The following EXOC6B variants were observed in gnomAD, a reference collection of about 807,000 sequenced individuals.
The protein encoded by EXOC6B is exocyst complex component 6B, also known as SEC15 homolog B.
A neutral mutation model predicts 113.5 loss-of-function variants in EXOC6B; 54 were observed. The observed-to-expected ratio is 0.48, with a 90% confidence interval of 0.38 to 0.60. The LOEUF is 0.60. Ranked by LOEUF, EXOC6B falls within the 20% of genes least tolerant of loss-of-function variation. The probability of loss-of-function intolerance (pLI) is 0.00; values close to 1 mark genes in which losing one functional copy is unlikely to be tolerated. For synonymous variants in EXOC6B, 357 were observed against 339.0 expected (o/e 1.05, Z -0.58); for missense variants, 797 against 977.5 (o/e 0.82, Z 2.46).
At chr2:72,287,861 T>C (rs1484437206) in intron 20 of EXOC6B, among the ~76,000 whole-genome samples, 2 of 152,192 alleles carry the variant, frequency 1.3e-5, no homozygotes, top group African/African-American at 4.8e-5. Context: ...TGAATCTTTA[T>C]AACACTGAAG....
At chr2:72,475,638 G>A (rs1698693374) in intron 17 of EXOC6B, among the ~76,000 whole-genome samples, 1 of 152,164 alleles carries the variant, frequency 6.6e-6, no homozygotes, top group Non-Finnish European at 1.5e-5. Flanking sequence ...GGCACCAGAT[G>A]CAGTAGTTAG....
intron 20 of EXOC6B, among the ~76,000 whole-genome samples, chr2:72,273,204 A>G (rs1684599994): frequency 6.6e-6 from 1 of 152,210 alleles, no homozygotes. Context: ...AAAGCAGGAC[A>G]TATATCAATG....
In EXOC6B at chr2:72,244,031, GA is replaced by G. The variant is rs1430219734; in HGVS notation, c.2197-59845del. 3.3e-5 allele frequency among the ~76,000 whole-genome samples: 5 copies of G among 152,252 alleles called. No individual in the cohort carries two copies. In the East Asian group the frequency reaches 9.7e-4, roughly 29 times the overall value. ...AAATCAGTAAGAAAACAGCTGAACT[GA>G]ATAGCACCATCAATCAAATAGACCA... On this transcript the variant is annotated intron_variant, in intron 20 of 21. Transcript: ENST00000272427.
intron 20 of EXOC6B, among the ~76,000 whole-genome samples, chr2:72,191,408 A>G (rs1165242646): frequency 1.3e-5 from 2 of 152,224 alleles, no homozygotes; most frequent in Non-Finnish European, 2.9e-5. Flanking sequence ...TAGAAAGCAT[A>G]AGCAACTTGC....
intron 20 of EXOC6B, among the ~76,000 whole-genome samples, chr2:72,245,877 G>T (rs1299157815): frequency 1.3e-5 from 2 of 152,056 alleles, no homozygotes; most frequent in East Asian, 3.9e-4. Context: ...AAAATCTCCA[G>T]ATTGGTCTCT....
At chr2:72,454,924 G>GT (rs1468549392) in intron 18 of EXOC6B, among the ~76,000 whole-genome samples, 2 of 152,092 alleles carry the variant, frequency 1.3e-5, no homozygotes, top group East Asian at 1.9e-4. Flanking sequence ...AGAAGCAAAT[G>GT]TTTTTTTATT....
intron 1 of EXOC6B, among the ~76,000 whole-genome samples, chr2:72,811,388 A>G (rs768995674): frequency 1.3e-4 from 20 of 152,216 alleles, no homozygotes; most frequent in Admixed American, 2.0e-4. Context: ...AATACAGACT[A>G]CAACTCACCA....
At chr2:72,309,491 G>A (rs1200595784) in intron 20 of EXOC6B, among the ~76,000 whole-genome samples, 1 of 151,964 alleles carries the variant, frequency 6.6e-6, no homozygotes, top group Non-Finnish European at 1.5e-5. Flanking sequence ...TCCCATGCCT[G>A]GATTATTTCT....
At chr2:72,781,266 A>T (rs1684021079) in intron 1 of EXOC6B, among the ~76,000 whole-genome samples, 1 of 152,128 alleles carries the variant, frequency 6.6e-6, no homozygotes, top group Non-Finnish European at 1.5e-5. Flanking sequence ...GATTTTTTTT[A>T]ATCCTATAAA....
At chr2:72,637,678 T>C (rs1439670395) in intron 6 of EXOC6B, among the ~76,000 whole-genome samples, 1 of 151,782 alleles carries the variant, frequency 6.6e-6, no homozygotes, top group Non-Finnish European at 1.5e-5. Context: ...TAGTCCCAGC[T>C]ACTGGGGAGG....
intron 16 of EXOC6B, among the ~76,000 whole-genome samples, chr2:72,481,849 T>C (rs1699118824): frequency 6.6e-6 from 1 of 152,172 alleles, no homozygotes; most frequent in South Asian, 2.1e-4. Context: ...CTTCTATAAA[T>C]TACTAGAAGA....
intron 8 of EXOC6B, among the ~76,000 whole-genome samples, chr2:72,520,627 T>C (rs1701435067): frequency 6.6e-6 from 1 of 152,342 alleles, no homozygotes; most frequent in South Asian, 2.1e-4. Context: ...TATCTGGCTA[T>C]AGATCTAACA....
At chr2:72,528,055 A>C (rs1048245886) in intron 8 of EXOC6B, among the ~76,000 whole-genome samples, 2 of 151,988 alleles carry the variant, frequency 1.3e-5, no homozygotes, top group African/African-American at 2.4e-5. Context: ...GATGAGGTTC[A>C]GCTATCCAAT....
At chr2:72,629,361 C>T (rs1672252842) in intron 6 of EXOC6B, among the ~76,000 whole-genome samples, 1 of 152,102 alleles carries the variant, frequency 6.6e-6, no homozygotes, top group South Asian at 2.1e-4. Context: ...TAAACTGTTC[C>T]AACCTCTACT....
chr2:72,716,602 A>C (rs1176750982), intron 6 of EXOC6B, among the ~76,000 whole-genome samples: 1 of 152,192 alleles, frequency 6.6e-6, no homozygotes, highest in Non-Finnish European at 1.5e-5. Flanking sequence ...GCAAACAGCT[A>C]ATAGTTTACA....
intron 6 of EXOC6B, among the ~76,000 whole-genome samples, chr2:72,615,560 T>C (rs190010082): frequency 6.7e-6 from 1 of 149,776 alleles, no homozygotes; most frequent in African/African-American, 2.5e-5. Flanking sequence ...CTCTAACACA[T>C]TAATCACGTT....
intron 1 of EXOC6B, among the ~76,000 whole-genome samples, chr2:72,818,475 A>G (rs1167414678): frequency 6.6e-6 from 1 of 151,756 alleles, no homozygotes; most frequent in Non-Finnish European, 1.5e-5. Flanking sequence ...TTGTATTTTT[A>G]GTAGAGACAC....
intron 1 of EXOC6B, among the ~76,000 whole-genome samples, chr2:72,814,998 T>A (rs1686143418): frequency 6.6e-6 from 1 of 151,904 alleles, no homozygotes; most frequent in African/African-American, 2.4e-5. Flanking sequence ...CTCAAAAAAA[T>A]AAAATAAAAT....
At chr2:72,642,295 C>T (rs1393491324) in intron 6 of EXOC6B, among the ~76,000 whole-genome samples, 7 of 142,982 alleles carry the variant, frequency 4.9e-5, no homozygotes, top group African/African-American at 5.2e-5. Flanking sequence ...AAAAAGAGCC[C>T]GCATCGCCAA....
Sources: gnomAD v4.1 joint callset for allele counts (sites outside exome capture counted in the v4.1 genomes callset) on GRCh38, gnomAD v4.1.1 for gene constraint, MANE v1.5 for transcripts, NCBI Gene and HGNC (gene_info 2026-07-23, HGNC 2026-07-21) for gene names.